DRC11: variants seen among roughly 807,000 people sequenced by gnomAD.
DRC11 encodes dynein regulatory complex subunit 11, also known as IQ and AAA domain-containing protein 1.
At chr2:236,352,834 T>C in the DRC11 span, among the ~76,000 whole-genome samples, 2 of 152,180 alleles carry the variant, frequency 1.3e-5, no homozygotes, top group African/African-American at 4.8e-5. The surrounding 1 kb of genome is among the most constrained non-coding windows in gnomAD (Gnocchi z 7.0). Context: ...TTCCATCTTT[T>C]ACTACCCCAA....
chr2:236,480,650 G>C, the DRC11 span, among the ~76,000 whole-genome samples: 2 of 152,130 alleles, frequency 1.3e-5, no homozygotes, highest in African/African-American at 4.8e-5. Context: ...TTTGGAGTTT[G>C]CTGAGTTTCC....
chr2:236,435,261 T>C, the DRC11 span, among the ~76,000 whole-genome samples: 1 of 152,264 alleles, frequency 6.6e-6, no homozygotes, highest in South Asian at 2.1e-4. Context: ...TCAGGCTGTT[T>C]TCTTCTTTGT....
chr2:236,442,034 G>A, the DRC11 span, among the ~76,000 whole-genome samples: 1 of 152,120 alleles, frequency 6.6e-6, no homozygotes, highest in African/African-American at 2.4e-5. Flanking sequence ...CCAGGAATTT[G>A]AGGCTGAAGT....
the DRC11 span, among the ~76,000 whole-genome samples, chr2:236,361,816 T>C: frequency 6.6e-6 from 1 of 152,208 alleles, no homozygotes; most frequent in Non-Finnish European, 1.5e-5. The surrounding 1 kb of genome is among the most constrained non-coding windows in gnomAD (Gnocchi z 5.7). Flanking sequence ...AAATGACATA[T>C]GTTGTCAGAT....
At chr2:236,435,698 A>T in the DRC11 span, among the ~76,000 whole-genome samples, 1 of 152,000 alleles carries the variant, frequency 6.6e-6, no homozygotes, top group African/African-American at 2.4e-5. Context: ...GGGGGAAACC[A>T]CCCCAATCAG....
the DRC11 span, chr2:236,497,013 T>C: frequency 1.6e-6 from 1 of 642,996 alleles, no homozygotes; most frequent in African/African-American, 1.8e-5. This position sits in a 1 kb window ranked among gnomAD's most constrained non-coding sequence, Gnocchi z 5.1. Flanking sequence ...CGTGACAGCA[T>C]GGTGTAATTG....
the DRC11 span, among the ~76,000 whole-genome samples, chr2:236,357,811 AAT>A: frequency 1.9e-3 from 235 of 126,550 alleles, 1 homozygote; most frequent in African/African-American, 6.9e-3. Context: ...ATAAATATAG[AAT>A]ATATAAATAT....
the DRC11 span, chr2:236,454,955 T>C: frequency 6.6e-6 from 1 of 152,264 alleles, no homozygotes; most frequent in Non-Finnish European, 1.5e-5. This position sits in a 1 kb window ranked among gnomAD's most constrained non-coding sequence, Gnocchi z 5.3. Context: ...CTTTCTCAAA[T>C]CCCGCAATTC....
the DRC11 span, among the ~76,000 whole-genome samples, chr2:236,355,517 A>T: frequency 6.6e-6 from 1 of 152,196 alleles, no homozygotes; most frequent in Non-Finnish European, 1.5e-5. Flanking sequence ...GACTCAGGGC[A>T]CTGGCCTCCC....
the DRC11 span, among the ~76,000 whole-genome samples, chr2:236,454,300 C>T: frequency 9.9e-5 from 15 of 152,178 alleles, no homozygotes; most frequent in Non-Finnish European, 1.6e-4. The surrounding 1 kb of genome is among the most constrained non-coding windows in gnomAD (Gnocchi z 5.3). Context: ...CTGTGACGAC[C>T]GACATCAAAA....
the DRC11 span, among the ~76,000 whole-genome samples, chr2:236,372,273 C>A: frequency 6.6e-6 from 1 of 152,076 alleles, no homozygotes; most frequent in Non-Finnish European, 1.5e-5. This position sits in a 1 kb window ranked among gnomAD's most constrained non-coding sequence, Gnocchi z 4.5. Context: ...TTCTTGATTG[C>A]CGAAAAATAT....
the DRC11 span, chr2:236,408,341 G>A: frequency 3.9e-6 from 3 of 766,540 alleles, no homozygotes; most frequent in Admixed American, 5.1e-5. The surrounding 1 kb of genome is among the most constrained non-coding windows in gnomAD (Gnocchi z 5.5). Context: ...AAGCCTCAGT[G>A]GGTCTTGCAG....
the DRC11 span, among the ~76,000 whole-genome samples, chr2:236,459,590 T>TATATAC: frequency 2.8e-4 from 38 of 133,624 alleles, no homozygotes; most frequent in African/African-American, 8.2e-4. Context: ...CGTATATACG[T>TATATAC]ATACGTATAC....
the DRC11 span, among the ~76,000 whole-genome samples, chr2:236,463,285 A>T: frequency 5.9e-5 from 9 of 152,210 alleles, no homozygotes; most frequent in Admixed American, 2.6e-4. This position sits in a 1 kb window ranked among gnomAD's most constrained non-coding sequence, Gnocchi z 5.0. Context: ...GGATGGAGAA[A>T]GAGGGGTATG....
the DRC11 span, among the ~76,000 whole-genome samples, chr2:236,438,925 C>T: frequency 1.3e-5 from 2 of 149,952 alleles, no homozygotes; most frequent in African/African-American, 2.5e-5. Flanking sequence ...CACTCAAAAC[C>T]GCTCAACTAC....
At chr2:236,391,148 G>C in the DRC11 span, 1 of 152,184 alleles carries the variant, frequency 6.6e-6, no homozygotes, top group East Asian at 1.9e-4. The surrounding 1 kb of genome is among the most constrained non-coding windows in gnomAD (Gnocchi z 4.5). Flanking sequence ...TACAGTGAAA[G>C]ATCTTCAGAA....
At chr2:236,336,643 C>T in the DRC11 span, among the ~76,000 whole-genome samples, 2 of 152,180 alleles carry the variant, frequency 1.3e-5, no homozygotes, top group African/African-American at 2.4e-5. This position sits in a 1 kb window ranked among gnomAD's most constrained non-coding sequence, Gnocchi z 7.3. Flanking sequence ...CGTCACCCCA[C>T]ACTGCCTCCA....
chr2:236,356,001 G>C, the DRC11 span, among the ~76,000 whole-genome samples: 1 of 152,164 alleles, frequency 6.6e-6, no homozygotes, highest in African/African-American at 2.4e-5. Flanking sequence ...CCGGGTGGAT[G>C]GTACTGGGGC....
chr2:236,345,380 T>G, the DRC11 span, among the ~76,000 whole-genome samples: 10 of 151,958 alleles, frequency 6.6e-5, no homozygotes, highest in East Asian at 1.9e-3. Context: ...AGGACAAACA[T>G]TCTGCTCTAG....
Sources: allele counts gnomAD v4.1 joint callset (sites outside exome capture counted in the v4.1 genomes callset), GRCh38; gene constraint gnomAD v4.1.1; non-coding constraint Gnocchi (gnomAD v3.1); transcripts MANE v1.5; gene names NCBI Gene and HGNC (gene_info 2026-07-23, HGNC 2026-07-21).